The following COL23A1 variants were observed in gnomAD, a reference collection of about 807,000 sequenced individuals.
The protein encoded by COL23A1 is collagen alpha-1(XXIII) chain.
A neutral mutation model predicts 99.3 loss-of-function variants in COL23A1; 97 were observed. That is an observed-to-expected ratio of 0.98 (90% CI 0.83 to 1.16). The LOEUF (loss-of-function observed/expected upper bound fraction) is 1.16. Among genes scored for constraint, COL23A1 ranks in the 50% most tolerant of loss-of-function variants. The pLI is 0.00. For synonymous variants in COL23A1, 320 were observed against 308.2 expected, an observed-to-expected ratio of 1.04 and a Z score of -0.40; for missense variants, 762 against 757.4, an observed-to-expected ratio of 1.01 and a Z score of -0.07.
intron 2 of COL23A1, among the ~76,000 whole-genome samples, chr5:178,554,642 A>G (rs1762174115): frequency 6.6e-6 from 1 of 152,010 alleles, no homozygotes; most frequent in Admixed American, 6.6e-5. Context: ...TCATGAAGGA[A>G]CCACCCTCCC....
chr5:178,312,102 G>A (rs918680001), intron 2 of COL23A1, among the ~76,000 whole-genome samples: 6 of 152,284 alleles, frequency 3.9e-5, no homozygotes, highest in Non-Finnish European at 7.3e-5. Context: ...CAGCAACACT[G>A]CAGGCAGGTT....
At chr5:178,331,540 C>T (rs1004598253) in intron 2 of COL23A1, among the ~76,000 whole-genome samples, 3 of 152,232 alleles carry the variant, frequency 2.0e-5, no homozygotes, top group Non-Finnish European at 2.9e-5. Flanking sequence ...TGTAAATGGT[C>T]CCCAAGGAAT....
rs1760911920 is a variant in COL23A1 at position 178,535,897 on chromosome 5, G to A, written c.361+24785C>T. On this transcript the variant is annotated intron_variant, in intron 2 of 28. Transcript: ENST00000390654. ...GGGAGGTGCCTGGCCCAGTGTGAGGGTCCTGGTCAGGGGATTCCGGCCACC... is the reference window on the plus strand; with the variant it reads ...GGGAGGTGCCTGGCCCAGTGTGAGGATCCTGGTCAGGGGATTCCGGCCACC... Among the ~76,000 whole-genome samples the A allele has an allele frequency of 2.0e-5, 3 of 152,384 alleles. No homozygotes were observed. In the South Asian group the frequency reaches 6.2e-4, roughly 32 times the overall value.
chr5:178,448,844 A>G (rs1239618792), intron 2 of COL23A1, among the ~76,000 whole-genome samples: 2 of 152,116 alleles, frequency 1.3e-5, no homozygotes, highest in Non-Finnish European at 1.5e-5. Flanking sequence ...ATCAGCCCTC[A>G]GAAACACTGA....
At position 178,252,594 on chromosome 5, in the gene COL23A1, G is replaced by A. The variant is rs1765093766; in HGVS notation, c.964C>T (p.Pro322Ser). ...CCTGGGGGCCCCTGTGGTCCGGGAG[G>A]CCCCTGTGTGTGAGAGTGAAGCCGG... The part of the protein sequence containing the change: ...DGRILDALKG[P>S]PGPQGPPGPP... Residue 322 changes from proline to serine, a missense_variant, in exon 17 of 29, where the codon CCT becomes TCT. Coordinates refer to ENST00000390654, the MANE Select transcript of COL23A1 (RefSeq NM_173465.4). 5 of 1,609,544 alleles carry A rather than the reference G, an allele frequency of 3.1e-6. No homozygotes were observed. Among genetic ancestry groups the A allele is most frequent in the Middle Eastern group, 3.3e-4 (2 of 6,034 alleles).
chr5:178,359,151 C>T (rs982218895), intron 2 of COL23A1, among the ~76,000 whole-genome samples: 1 of 152,160 alleles, frequency 6.6e-6, no homozygotes, highest in Non-Finnish European at 1.5e-5. Flanking sequence ...TTCATGCAAC[C>T]CTGGGCAAGT....
At chr5:178,463,318 T>C (rs1425229282) in intron 2 of COL23A1, among the ~76,000 whole-genome samples, 1 of 152,244 alleles carries the variant, frequency 6.6e-6, no homozygotes, top group Non-Finnish European at 1.5e-5. Context: ...CTGCTTTTCA[T>C]CAGATGTGTG....
At chr5:178,252,737 C>T in intron 16 of COL23A1, 140 bp from the exon 17 acceptor site, 5 of 675,018 alleles carry the variant, frequency 7.4e-6, no homozygotes, top group Non-Finnish European at 1.3e-5. Flanking sequence ...TGCTTCTTCC[C>T]CAGTCAGGTC....
intron 2 of COL23A1, among the ~76,000 whole-genome samples, chr5:178,488,659 C>A (rs1757761017): frequency 6.7e-6 from 1 of 149,592 alleles, no homozygotes; most frequent in Non-Finnish European, 1.5e-5. Context: ...GTTTGAAGCA[C>A]ACATATATGC....
chr5:178,560,296 G>C (rs1424006657), intron 2 of COL23A1, among the ~76,000 whole-genome samples: 1 of 152,216 alleles, frequency 6.6e-6, no homozygotes, highest in Non-Finnish European at 1.5e-5. Context: ...CTGCACGTCT[G>C]ACATAGAGCT....
chr5:178,452,356 C>A (rs1767537356), intron 2 of COL23A1, among the ~76,000 whole-genome samples: 2 of 152,112 alleles, frequency 1.3e-5, no homozygotes, highest in Admixed American at 1.3e-4. Flanking sequence ...ATATTCCAAG[C>A]AGATCAGAGT....
At chr5:178,260,102 C>A (rs1765548141) in intron 11 of COL23A1, among the ~76,000 whole-genome samples, 1 of 152,218 alleles carries the variant, frequency 6.6e-6, no homozygotes, top group Non-Finnish European at 1.5e-5. Flanking sequence ...GAGCCCGCCT[C>A]CCCACCCACA....
chr5:178,397,871 C>T (rs762492427), intron 2 of COL23A1, among the ~76,000 whole-genome samples: 23 of 152,244 alleles, frequency 1.5e-4, no homozygotes, highest in Non-Finnish European at 2.9e-4. Flanking sequence ...CCTGTAGTTC[C>T]AGCTACTCAG....
intron 1 of COL23A1, among the ~76,000 whole-genome samples, chr5:178,571,631 C>T (rs1360919441): frequency 3.3e-5 from 5 of 152,088 alleles, no homozygotes; most frequent in Non-Finnish European, 7.4e-5. Flanking sequence ...AAAATAGGCC[C>T]TATGATGAAC....
chr5:178,382,821 C>T (rs1447244300), intron 2 of COL23A1, among the ~76,000 whole-genome samples: 3 of 152,206 alleles, frequency 2.0e-5, no homozygotes, highest in Non-Finnish European at 2.9e-5. Flanking sequence ...CCCTCCCCAC[C>T]GCCTTGGCAG....
rs185726708 is a variant in COL23A1 at position 178,354,973 on chromosome 5, G to A, written c.362-48054C>T. Among the ~76,000 whole-genome samples the A allele has an allele frequency of 9.3e-3, 1,404 of 151,696 alleles. 12 individuals are homozygous for A. Among genetic ancestry groups the A allele is most frequent in the African/African-American group, 0.029 (1,213 of 41,266 alleles). On this transcript the variant is annotated intron_variant, in intron 2 of 28. Transcript: ENST00000390654. ...CTCGGGAGGCTGAAGCAGGAGAATCGCTTGAAACCGGGAGGCGGAGGTTGC... is the reference window on the plus strand; with the variant it reads ...CTCGGGAGGCTGAAGCAGGAGAATCACTTGAAACCGGGAGGCGGAGGTTGC...
At chr5:178,491,311 A>C (rs1757923100) in intron 2 of COL23A1, among the ~76,000 whole-genome samples, 1 of 152,122 alleles carries the variant, frequency 6.6e-6, no homozygotes, top group African/African-American at 2.4e-5. Context: ...TGGTGACCCC[A>C]AGAGGACGAC....
intron 2 of COL23A1, among the ~76,000 whole-genome samples, chr5:178,501,587 A>AC (rs1265160976): frequency 1.3e-5 from 2 of 152,096 alleles, no homozygotes; most frequent in Non-Finnish European, 2.9e-5. Context: ...AAAAAAAAAA[A>AC]AAGTCCCAGC....
At chr5:178,536,398 C>T (rs921240988) in intron 2 of COL23A1, among the ~76,000 whole-genome samples, 5 of 152,252 alleles carry the variant, frequency 3.3e-5, no homozygotes, top group Non-Finnish European at 5.9e-5. Context: ...CACAGTTCCT[C>T]GCTATGCTCA....
Sources: allele counts gnomAD v4.1 joint callset (sites outside exome capture counted in the v4.1 genomes callset), GRCh38; gene constraint gnomAD v4.1.1; transcripts MANE v1.5; gene names NCBI Gene and HGNC (gene_info 2026-07-23, HGNC 2026-07-21).